NCOA7: variants seen among roughly 807,000 people sequenced by gnomAD.
NCOA7 encodes 140 kDa estrogen receptor-associated protein.
A neutral mutation model predicts 104.3 loss-of-function variants in NCOA7; 45 were observed. The ratio of observed to expected loss-of-function variants is 0.43; its 90% CI spans 0.34 to 0.55. The LOEUF (loss-of-function observed/expected upper bound fraction) is 0.55, where lower values mean the gene tolerates loss of function less well. NCOA7 is among the 20% of genes least tolerant of loss of function. NCOA7 has a pLI of 0.02. For missense variants in NCOA7, 1,041 were observed against 1,119.7 expected (o/e 0.93, Z 1.00); for synonymous variants, 398 against 402.3 (o/e 0.99, Z 0.13).
chr6:125,822,059 G>C (rs1372252481), intron 2 of NCOA7, among the ~76,000 whole-genome samples: 1 of 152,132 alleles, frequency 6.6e-6, no homozygotes, highest in Non-Finnish European at 1.5e-5. Context: ...ATACCACGTG[G>C]GTGGAGTGGT....
In NCOA7 at chr6:125,864,701, C is replaced by T. The variant is rs994051527; in HGVS notation, c.271+9461C>T. On this transcript the variant is annotated intron_variant, in intron 3 of 15. Transcript: ENST00000392477. ...TACGAGCCAGGATGAGGGAAAAATA[C>T]GCCGAGTTTGCCAGTGTCTTGATCT... Among the ~76,000 whole-genome samples the T allele has an allele frequency of 4.4e-5, 6 of 137,128 alleles. 2 individuals are homozygous for T. Among genetic ancestry groups the T allele is most frequent in the Admixed American group, 2.1e-4 (3 of 14,468 alleles). 90.0% of individuals were successfully genotyped at this position (137,128 alleles called of 152,430 possible). A position where few individuals can be genotyped will look rare whatever the true frequency, so the allele number is the denominator to read the frequency against.
chr6:125,919,153 T>C (rs1787341760), intron 11 of NCOA7: 2 of 1,306,430 alleles, frequency 1.5e-6, no homozygotes, highest in South Asian at 1.5e-5. Flanking sequence ...GGAAGTGTGT[T>C]TGCTCTAAAT....
chr6:125,894,969 A>G (rs1168184603), intron 10 of NCOA7, among the ~76,000 whole-genome samples: 1 of 152,204 alleles, frequency 6.6e-6, no homozygotes, highest in Non-Finnish European at 1.5e-5. Flanking sequence ...AAGTGATTGA[A>G]GATACTTCTT....
chr6:125,925,019 G>C (rs1787909280), intron 13 of NCOA7, among the ~76,000 whole-genome samples: 1 of 152,206 alleles, frequency 6.6e-6, no homozygotes, highest in African/African-American at 2.4e-5. Context: ...AGGCATGGCA[G>C]GCTGAGAATA....
At chr6:125,823,193 G>A (rs1778357725) in intron 2 of NCOA7, among the ~76,000 whole-genome samples, 1 of 152,130 alleles carries the variant, frequency 6.6e-6, no homozygotes, top group African/African-American at 2.4e-5. Context: ...ATGGACATCT[G>A]GAAGGTGGAG....
chr6:125,880,408 A>G (rs555230685), intron 5 of NCOA7, among the ~76,000 whole-genome samples: 1 of 151,472 alleles, frequency 6.6e-6, no homozygotes, highest in Admixed American at 6.6e-5. Context: ...CTCCTATCCA[A>G]TTTCTACTTG....
At chr6:125,809,161 G>A (rs1776730812) in intron 1 of NCOA7, among the ~76,000 whole-genome samples, 1 of 151,750 alleles carries the variant, frequency 6.6e-6, no homozygotes. Flanking sequence ...TTATTTGGGG[G>A]GTATTATCTG....
chr6:125,822,807 G>C (rs1369297730), intron 2 of NCOA7, among the ~76,000 whole-genome samples: 1 of 151,692 alleles, frequency 6.6e-6, no homozygotes, highest in African/African-American at 2.4e-5. Context: ...TGGTGGCACA[G>C]ACCTGTAATC....
chr6:125,829,856 A>C (rs1388241033), intron 2 of NCOA7, among the ~76,000 whole-genome samples: 1 of 152,216 alleles, frequency 6.6e-6, no homozygotes, highest in Non-Finnish European at 1.5e-5. Context: ...TTCTTTTCTA[A>C]GTGTCAGGTT....
At chr6:125,814,180 A>G (rs948175451) in intron 1 of NCOA7, among the ~76,000 whole-genome samples, 34 of 152,096 alleles carry the variant, frequency 2.2e-4, no homozygotes, top group Non-Finnish European at 4.9e-4. Context: ...TTTGAGACAG[A>G]GTCTCCCTTT....
At chr6:125,830,777 G>A (rs1222915118) in intron 2 of NCOA7, among the ~76,000 whole-genome samples, 1 of 143,526 alleles carries the variant, frequency 7.0e-6, no homozygotes, top group African/African-American at 2.5e-5. Flanking sequence ...GTGTGTGTGT[G>A]TGTGTATAGA....
chr6:125,850,906 C>A (rs532648441), intron 2 of NCOA7, among the ~76,000 whole-genome samples: 1 of 152,112 alleles, frequency 6.6e-6, no homozygotes, highest in Non-Finnish European at 1.5e-5. Flanking sequence ...ATTTGAGCCT[C>A]ACGCAGGACT....
chr6:125,866,939 A>C (rs1198089668), intron 3 of NCOA7, among the ~76,000 whole-genome samples: 1 of 152,198 alleles, frequency 6.6e-6, no homozygotes, highest in Non-Finnish European at 1.5e-5. Context: ...CTTTGCCATA[A>C]AAAATTATTT....
chr6:125,886,091 C>A (rs1453431770), intron 8 of NCOA7, among the ~76,000 whole-genome samples: 1 of 151,234 alleles, frequency 6.6e-6, no homozygotes, highest in African/African-American at 2.4e-5. Context: ...ACTTTAAAAA[C>A]CTTCAGTGAT....
At chr6:125,844,396 C>T (rs554233348) in intron 2 of NCOA7, among the ~76,000 whole-genome samples, 1 of 152,310 alleles carries the variant, frequency 6.6e-6, no homozygotes, top group Non-Finnish European at 1.5e-5. Context: ...AAAAAGAATG[C>T]ATGTCTCCAT....
chr6:125,842,294 C>T (rs9482707), intron 2 of NCOA7, among the ~76,000 whole-genome samples: 5,520 of 152,168 alleles, frequency 0.036, 327 homozygotes, highest in African/African-American at 0.12. Context: ...ATGACAGAGT[C>T]GCTGGCATCA....
At position 125,862,259 on chromosome 6, in the gene NCOA7, G is replaced by A. The variant is rs1278319425; in HGVS notation, c.271+7019G>A. On this transcript the variant is annotated intron_variant, in intron 3 of 15. Coordinates refer to ENST00000392477, the MANE Select transcript of NCOA7 (RefSeq NM_181782.5). ...GCTTACCTTAGTTAGGCAGAATTAT[G>A]GGGAATACTCAGTCCTCCGAATAAC... 2.2e-5 allele frequency among the ~76,000 whole-genome samples: 3 copies of A among 136,500 alleles called. 1 individual carries two copies. Among genetic ancestry groups the A allele is most frequent in the Non-Finnish European group, 3.1e-5 (2 of 64,514 alleles). The allele number at this position is 136,500 out of a possible 152,430, so 89.5% of individuals were successfully genotyped here.
At chr6:125,833,377 A>G (rs890696384) in intron 2 of NCOA7, among the ~76,000 whole-genome samples, 15 of 152,218 alleles carry the variant, frequency 9.9e-5, no homozygotes, top group African/African-American at 3.4e-4. Flanking sequence ...ACTTGAAGTC[A>G]GGAGTTTGAG....
upstream of NCOA7, among the ~76,000 whole-genome samples, chr6:125,788,698 ATTTTTTT>A (rs60048395): frequency 2.5e-5 from 3 of 121,888 alleles, no homozygotes; most frequent in South Asian, 5.4e-4. Context: ...CACCCAGCTA[ATTTTTTT>A]TTTTTTTTTT....
Sources: gnomAD v4.1 joint callset for allele counts (sites outside exome capture counted in the v4.1 genomes callset) on GRCh38, gnomAD v4.1.1 for gene constraint, MANE v1.5 for transcripts, NCBI Gene and HGNC (gene_info 2026-07-23, HGNC 2026-07-21) for gene names.